The following BARX2 variants were observed in gnomAD, a reference collection of about 807,000 sequenced individuals.
BARX2 encodes homeobox protein BarH-like 2.
In BARX2, 11 loss-of-function variants were observed where a neutral mutation model predicts 25.5. That is an observed-to-expected ratio of 0.43 (90% CI 0.27 to 0.71). The LOEUF (loss-of-function observed/expected upper bound fraction) is 0.71, where lower values mean the gene tolerates loss of function less well. BARX2 is among the 30% of genes least tolerant of loss of function. The pLI is 0.19. For missense variants in BARX2, 360 were observed against 359.9 expected (o/e 1.00, Z 0.00); for synonymous variants, 137 against 149.5 (o/e 0.92, Z 0.61).
intron 1 of BARX2, among the ~76,000 whole-genome samples, chr11:129,429,274 G>C (rs1399769640): frequency 6.6e-6 from 1 of 152,114 alleles, no homozygotes; most frequent in Non-Finnish European, 1.5e-5. Flanking sequence ...GCTCACACTT[G>C]TAATCCCAGC....
At chr11:129,408,552 A>G (rs1861855633) in intron 1 of BARX2, among the ~76,000 whole-genome samples, 1 of 152,092 alleles carries the variant, frequency 6.6e-6, no homozygotes, top group Non-Finnish European at 1.5e-5. Context: ...CTGTTCCTAG[A>G]ACATAAGCTT....
intron 1 of BARX2, among the ~76,000 whole-genome samples, chr11:129,395,159 A>T (rs1373745846): frequency 6.6e-6 from 1 of 152,212 alleles, no homozygotes; most frequent in Non-Finnish European, 1.5e-5. Flanking sequence ...AATTTAAAAA[A>T]CAAAGTCACT....
chr11:129,451,441 AG>A lies in BARX2; in HGVS notation c.*42del. 6.3e-7 allele frequency: 1 copy of A among 1,590,262 alleles called. No homozygotes were observed. Among genetic ancestry groups the A allele is most frequent in the Non-Finnish European group, 8.6e-7 (1 of 1,164,798 alleles). ...TGAGGGAAGAGGGAGACTGGGGAGA[AG>A]GGAAAAGAGAGAAGGCAGGGAGAGT... is the stretch of plus-strand genomic sequence containing the variant. On this transcript the variant is annotated 3_prime_UTR_variant, in exon 4 of 4. Coordinates refer to ENST00000281437, the MANE Select transcript of BARX2 (RefSeq NM_003658.5).
At chr11:129,394,023 C>T (rs993267556) in intron 1 of BARX2, among the ~76,000 whole-genome samples, 1 of 151,800 alleles carries the variant, frequency 6.6e-6, no homozygotes, top group African/African-American at 2.4e-5. Flanking sequence ...GTCTGCGTCT[C>T]TCCCCCATTA....
At chr11:129,424,321 T>C (rs1862040711) in intron 1 of BARX2, among the ~76,000 whole-genome samples, 1 of 152,264 alleles carries the variant, frequency 6.6e-6, no homozygotes, top group Non-Finnish European at 1.5e-5. Flanking sequence ...GTAAGCCTCA[T>C]GTTTTCTCCC....
intron 1 of BARX2, among the ~76,000 whole-genome samples, chr11:129,430,924 T>C (rs1205839235): frequency 6.6e-6 from 1 of 152,180 alleles, no homozygotes; most frequent in Non-Finnish European, 1.5e-5. Context: ...TGCAGTGGCA[T>C]GATCTCTGCT....
At chr11:129,380,785 A>C (rs1861554788) in intron 1 of BARX2, among the ~76,000 whole-genome samples, 1 of 150,958 alleles carries the variant, frequency 6.6e-6, no homozygotes. Flanking sequence ...CTTTTGCTAG[A>C]GATACCAAGG....
chr11:129,396,501 G>A (rs1476402460), intron 1 of BARX2, among the ~76,000 whole-genome samples: 2 of 151,804 alleles, frequency 1.3e-5, no homozygotes, highest in African/African-American at 4.8e-5. Context: ...TAAATTAAAG[G>A]ATTTATTTGT....
intron 1 of BARX2, among the ~76,000 whole-genome samples, chr11:129,386,808 T>C (rs1861620496): frequency 6.6e-6 from 1 of 152,228 alleles, no homozygotes; most frequent in African/African-American, 2.4e-5. Flanking sequence ...AGGGAAAGTA[T>C]TAGTGTGGAG....
intron 1 of BARX2, among the ~76,000 whole-genome samples, chr11:129,388,625 C>T (rs1054699668): frequency 3.3e-5 from 5 of 152,144 alleles, no homozygotes; most frequent in African/African-American, 9.7e-5. Flanking sequence ...AATGTCTGGT[C>T]GTTGATTGGC....
chr11:129,395,831 G>A (rs1026978430), intron 1 of BARX2, among the ~76,000 whole-genome samples: 2 of 152,124 alleles, frequency 1.3e-5, no homozygotes, highest in South Asian at 4.1e-4. Context: ...CCGCTCACTG[G>A]GTGACCTGGG....
At chr11:129,422,192 T>C (rs1375986756) in intron 1 of BARX2, among the ~76,000 whole-genome samples, 1 of 152,330 alleles carries the variant, frequency 6.6e-6, no homozygotes, top group African/African-American at 2.4e-5. Context: ...CAACACTCTT[T>C]ATAGCACCTG....
In BARX2 at chr11:129,442,864, C is replaced by A. The variant is rs1253880262; in HGVS notation, c.518C>A (p.Thr173Asn). The change falls in exon 3 of 4, where the codon ACT becomes AAT. Residue 173 changes from threonine (T) to asparagine (N), a missense_variant. Coordinates refer to ENST00000281437, the MANE Select transcript of BARX2 (RefSeq NM_003658.5). Reference protein sequence around the residue: ...RLDLAQSLGLTQLQVKTWYQN... With the variant: ...RLDLAQSLGLNQLQVKTWYQN... ...GACTTGGCTCAGTCTCTGGGACTCA[C>A]TCAGCTGCAGGTGAAGACCTGGTAT... The A allele has an allele frequency of 6.2e-7, 1 of 1,613,994 alleles. No homozygotes were observed.
intron 1 of BARX2, among the ~76,000 whole-genome samples, chr11:129,431,537 C>G (rs1480870035): frequency 6.6e-6 from 1 of 152,172 alleles, no homozygotes; most frequent in Non-Finnish European, 1.5e-5. Flanking sequence ...ATTTGCATTT[C>G]CTTCATTAGA....
At chr11:129,446,001 C>T (rs1362971257) in intron 3 of BARX2, among the ~76,000 whole-genome samples, 2 of 152,208 alleles carry the variant, frequency 1.3e-5, no homozygotes, top group African/African-American at 2.4e-5. Flanking sequence ...CAGACTTATT[C>T]ACATGGCTGC....
Position 129,390,316 on chromosome 11 carries a change from A to T in BARX2, c.187+14094A>T, listed in dbSNP as rs1026813161. On this transcript the variant is annotated intron_variant, in intron 1 of 3. Coordinates refer to ENST00000281437, the MANE Select transcript of BARX2 (RefSeq NM_003658.5). This position sits in a 1 kb window ranked among gnomAD's most constrained non-coding sequence, Gnocchi z 4.3. ...GTCATCACCACTGAGACGGAGTGGC[A>T]TGTATTTATGAAGAGTGAGAAGGCT... Among the ~76,000 whole-genome samples, 1 of 152,134 alleles carries T rather than the reference A, an allele frequency of 6.6e-6. No individual in the cohort carries two copies. Among genetic ancestry groups the T allele is most frequent in the African/African-American group, 2.4e-5 (1 of 41,432 alleles).
intron 2 of BARX2, among the ~76,000 whole-genome samples, chr11:129,441,397 T>C (rs12575465): frequency 0.21 from 31,648 of 152,142 alleles, 3,442 homozygotes; most frequent in African/African-American, 0.28. Flanking sequence ...GTGGGCCATA[T>C]GGTCTGTGAC....
At chr11:129,411,895 C>G (rs955035625) in intron 1 of BARX2, among the ~76,000 whole-genome samples, 5 of 152,196 alleles carry the variant, frequency 3.3e-5, no homozygotes, top group African/African-American at 1.2e-4. Context: ...AAATAGGACT[C>G]CTGTCCTTTC....
Position 129,450,872 on chromosome 11 carries a change from TGTTGAA to T in BARX2, c.574-257_574-252del, listed in dbSNP as rs1160880985. On this transcript the variant is annotated intron_variant, in intron 3 of 3. Transcript: ENST00000281437. ...TTTTAATTTTCATTTCTTTCCTTAT[TGTTGAA>T]GTTGAATTCTGAAGCTGCCTATGAT... 5.3e-5 allele frequency among the ~76,000 whole-genome samples: 8 copies of T among 152,088 alleles called. No individual in the cohort carries two copies. The East Asian group carries it at 7.7e-4, about 15-fold the overall frequency.
Sources: allele counts gnomAD v4.1 joint callset (sites outside exome capture counted in the v4.1 genomes callset), GRCh38; gene constraint gnomAD v4.1.1; non-coding constraint Gnocchi (gnomAD v3.1); transcripts MANE v1.5; gene names NCBI Gene and HGNC (gene_info 2026-07-23, HGNC 2026-07-21).